PDE10A: variants seen among roughly 807,000 people sequenced by gnomAD.
The protein encoded by PDE10A is phosphodiesterase 10A.
A neutral mutation model predicts 97.7 loss-of-function variants in PDE10A; 39 were observed. The observed-to-expected ratio is 0.40, with a 90% CI of 0.31 to 0.52. The LOEUF is 0.52. Ranked by LOEUF, PDE10A falls within the 20% of genes least tolerant of loss-of-function variation. The pLI, the probability that PDE10A is intolerant of heterozygous loss-of-function variation, is 0.56. For synonymous variants in PDE10A, 371 were observed against 376.8 expected (o/e 0.98, Z 0.18); for missense variants, 731 against 1,047.8 (o/e 0.70, Z 4.17).
chr6:165,413,424 C>T, intron 13 of PDE10A, 77 bp downstream of exon 13: 1 of 900,624 alleles, frequency 1.1e-6, no homozygotes, highest in Non-Finnish European at 1.6e-6. Context: ...AAAAAAAAAG[C>T]CCTTAAGCTG....
At chr6:165,897,046 A>T (rs939325324) in intron 1 of PDE10A, among the ~76,000 whole-genome samples, 26 of 152,212 alleles carry the variant, frequency 1.7e-4, no homozygotes, top group Non-Finnish European at 1.3e-4. Flanking sequence ...TTTCATGGCC[A>T]TCTTGAGGCA....
intron 1 of PDE10A, among the ~76,000 whole-genome samples, chr6:165,710,964 G>A (rs1207563998): frequency 1.3e-5 from 2 of 152,222 alleles, no homozygotes; most frequent in East Asian, 3.9e-4. Context: ...AGAATGCCAG[G>A]AAGGGCAGAC....
At chr6:165,649,258 C>T (rs3008048) in intron 1 of PDE10A, among the ~76,000 whole-genome samples, 61,150 of 151,790 alleles carry the variant, frequency 0.4, 13,442 homozygotes, top group Middle Eastern at 0.6. Flanking sequence ...AACCAAGCAG[C>T]GGACTAGAAG....
At position 165,819,794 on chromosome 6, in the gene PDE10A, T is replaced by C. The variant is rs2128468924; in HGVS notation, c.-615+167735A>G. ...GCCTACAACAGTGCCTGCCACACAG[T>C]GGGTCTCAAGAAAGCTTTCCTTAAA... On this transcript the variant is annotated intron_variant, in intron 1 of 19. Transcript: ENST00000366882. The surrounding 1 kb of genome is among the most constrained non-coding windows in gnomAD (Gnocchi z 4.2). Among the ~76,000 whole-genome samples, 1 of 152,246 alleles carries C rather than the reference T, an allele frequency of 6.6e-6. No homozygotes were observed. Among genetic ancestry groups the C allele is most frequent in the Non-Finnish European group, 1.5e-5 (1 of 68,028 alleles).
intron 1 of PDE10A, among the ~76,000 whole-genome samples, chr6:165,728,222 C>G (rs1387890782): frequency 1.3e-5 from 2 of 152,130 alleles, no homozygotes; most frequent in African/African-American, 4.8e-5. Context: ...TCATGCTGCC[C>G]TTGGGTAAAC....
chr6:165,654,550 C>T (rs553933918), intron 1 of PDE10A, among the ~76,000 whole-genome samples: 10 of 144,044 alleles, frequency 6.9e-5, no homozygotes, highest in South Asian at 4.1e-4. Flanking sequence ...AGCCATCTCA[C>T]GTCCCCACAT....
chr6:165,843,286 G>A (rs1780312999), intron 1 of PDE10A, among the ~76,000 whole-genome samples: 1 of 152,134 alleles, frequency 6.6e-6, no homozygotes. Context: ...GTGGATTCTG[G>A]ACAGAGTGGA....
At chr6:165,674,455 G>A (rs551640426) in intron 1 of PDE10A, among the ~76,000 whole-genome samples, 2 of 152,332 alleles carry the variant, frequency 1.3e-5, no homozygotes, top group East Asian at 3.9e-4. Flanking sequence ...TGCGCAGTGG[G>A]GAGAAAGCGG....
chr6:165,782,401 G>GAAA (rs1778363889), intron 1 of PDE10A, among the ~76,000 whole-genome samples: 1 of 152,118 alleles, frequency 6.6e-6, no homozygotes, highest in African/African-American at 2.4e-5. Flanking sequence ...CTCAAACCTC[G>GAAA]TCAGAGTCCA....
At chr6:165,938,354 A>G (rs1783403465) in intron 1 of PDE10A, among the ~76,000 whole-genome samples, 1 of 152,266 alleles carries the variant, frequency 6.6e-6, no homozygotes, top group African/African-American at 2.4e-5. Context: ...TCCAACTAGA[A>G]TAAAGGCAAC....
chr6:165,536,950 C>T (rs961293866), intron 2 of PDE10A, among the ~76,000 whole-genome samples: 93 of 152,058 alleles, frequency 6.1e-4, no homozygotes, highest in African/African-American at 2.2e-3. Context: ...AACTATATAT[C>T]TCAAAGAAAG....
chr6:165,642,741 A>T (rs183909843), intron 1 of PDE10A, among the ~76,000 whole-genome samples: 2 of 152,302 alleles, frequency 1.3e-5, no homozygotes, highest in East Asian at 3.9e-4. Flanking sequence ...AGCCTAGGTA[A>T]TTCGCTCACA....
chr6:165,683,961 C>T (rs73788719), intron 1 of PDE10A, among the ~76,000 whole-genome samples: 8,358 of 152,206 alleles, frequency 0.055, 751 homozygotes, highest in African/African-American at 0.19. Context: ...GGTACTGAGA[C>T]GGAAGCCTTG....
At position 165,682,989 on chromosome 6, in the gene PDE10A, G is replaced by A. The variant is rs149020628; in HGVS notation, c.-614-139421C>T. Among the ~76,000 whole-genome samples the A allele has an allele frequency of 7.3e-3, 1,105 of 152,212 alleles. 8 individuals carry two copies. The highest frequency in any genetic ancestry group is 0.025 in the African/African-American group (1,040 of 41,514). ...GTTAAAATTGTCTGTTCATTGTGTC[G>A]TTCCCCCACCGGAATGTAAAAGTGC... On this transcript the variant is annotated intron_variant, in intron 1 of 19. Coordinates refer to the PDE10A transcript ENST00000366882.
intron 1 of PDE10A, among the ~76,000 whole-genome samples, chr6:165,820,193 T>C (rs1779530352): frequency 1.3e-5 from 2 of 152,218 alleles, no homozygotes; most frequent in South Asian, 4.1e-4. Flanking sequence ...ACTGCACAGA[T>C]CTACAGCAAA....
chr6:165,678,137 G>A (rs1380403354), intron 1 of PDE10A, among the ~76,000 whole-genome samples: 4 of 149,054 alleles, frequency 2.7e-5, no homozygotes, highest in African/African-American at 7.4e-5. Context: ...GTTTGTGTAC[G>A]TGTGTATGTG....
At chr6:165,341,459 T>C (rs1781964378) in intron 19 of PDE10A, among the ~76,000 whole-genome samples, 1 of 152,214 alleles carries the variant, frequency 6.6e-6, no homozygotes, top group Non-Finnish European at 1.5e-5. Context: ...GCCTTTCTCA[T>C]AGCAATCCTG....
rs369133826 is a variant in PDE10A, at chr6:165,790,795, G to A, written c.-615+196734C>T. ...GTGTGGATTGAGCACACTGTGTCCTGTGATGTGTCTTGCACCCTACTAGCA... is the reference window on the plus strand; with the variant it reads ...GTGTGGATTGAGCACACTGTGTCCTATGATGTGTCTTGCACCCTACTAGCA... On this transcript the variant is annotated intron_variant, in intron 1 of 19. Coordinates refer to the PDE10A transcript ENST00000366882. 4.6e-5 allele frequency among the ~76,000 whole-genome samples: 7 copies of A among 152,258 alleles called. No homozygotes were observed. In the East Asian group the frequency reaches 7.7e-4, roughly 17 times the overall value.
intron 3 of PDE10A, among the ~76,000 whole-genome samples, chr6:165,458,545 T>G (rs1290471254): frequency 6.6e-6 from 1 of 152,184 alleles, no homozygotes; most frequent in African/African-American, 2.4e-5. Flanking sequence ...TCTATGGGAC[T>G]TTGTGACAGC....
Sources: gnomAD v4.1 joint callset for allele counts (sites outside exome capture counted in the v4.1 genomes callset) on GRCh38, gnomAD v4.1.1 for gene constraint, Gnocchi (gnomAD v3.1) non-coding constraint, MANE v1.5 for transcripts, NCBI Gene and HGNC (gene_info 2026-07-23, HGNC 2026-07-21) for gene names.